The following PDE4D variants were observed in gnomAD, a reference collection of about 807,000 sequenced individuals.
The protein encoded by PDE4D is 3',5'-cyclic-AMP phosphodiesterase 4D.
Under a neutral mutation model 87.4 loss-of-function variants are expected in PDE4D, and 24 were observed. The ratio of observed to expected loss-of-function variants is 0.27; its 90% confidence interval spans 0.20 to 0.39. The LOEUF (loss-of-function observed/expected upper bound fraction) is 0.39, where lower values mean the gene tolerates loss of function less well. Among genes scored for constraint, PDE4D ranks in the 10% least tolerant of loss-of-function variants. PDE4D has a pLI of 1.00. For synonymous variants in PDE4D, 384 were observed against 383.2 expected (o/e 1.00, Z -0.02); for missense variants, 714 against 1,041.0 (o/e 0.69, Z 4.32).
chr5:60,516,511 C>T (rs1163656981), intron 1 of PDE4D, among the ~76,000 whole-genome samples: 1 of 152,166 alleles, frequency 6.6e-6, no homozygotes, highest in Non-Finnish European at 1.5e-5. Context: ...CTCTAGCCAT[C>T]CTTAACTGGA....
At chr5:59,860,405 C>T (rs1746081314) in intron 1 of PDE4D, among the ~76,000 whole-genome samples, 1 of 152,118 alleles carries the variant, frequency 6.6e-6, no homozygotes, top group South Asian at 2.1e-4. Flanking sequence ...CACCTTGTTC[C>T]ACATACATGC....
chr5:60,297,049 C>T (rs1753466357), intron 1 of PDE4D, among the ~76,000 whole-genome samples: 1 of 151,996 alleles, frequency 6.6e-6, no homozygotes, highest in South Asian at 2.1e-4. Context: ...ATGTAACAAG[C>T]CTGCACGTTC....
At chr5:59,988,665 C>T (rs1378546126) in exon 3 of PDE4D, 12 of 1,599,142 alleles carry the variant, frequency 7.5e-6, no homozygotes, top group Admixed American at 1.7e-5. Context: ...GGGTTCCATT[C>T]CGCGGAAAGG....
intron 1 of PDE4D, among the ~76,000 whole-genome samples, chr5:59,537,562 T>C (rs1815506535): frequency 6.6e-6 from 1 of 152,192 alleles, no homozygotes. Flanking sequence ...TTTCTGTCTG[T>C]GGCTTCTCAA....
intron 1 of PDE4D, among the ~76,000 whole-genome samples, chr5:59,417,050 T>C (rs1793732549): frequency 6.6e-6 from 1 of 152,176 alleles, no homozygotes; most frequent in South Asian, 2.1e-4. Flanking sequence ...GAAGTCTTAG[T>C]ACAACAGATA....
chr5:59,494,823 G>A (rs1017634807), intron 1 of PDE4D, among the ~76,000 whole-genome samples: 1 of 152,122 alleles, frequency 6.6e-6, no homozygotes, highest in Non-Finnish European at 1.5e-5. Context: ...AATACTCAGT[G>A]ATTGGTGCGG....
intron 1 of PDE4D, among the ~76,000 whole-genome samples, chr5:59,838,545 C>T (rs1378718725): frequency 6.6e-6 from 1 of 152,044 alleles, no homozygotes; most frequent in Non-Finnish European, 1.5e-5. Flanking sequence ...GTTTTGATTC[C>T]TCTCTCTACT....
At chr5:59,832,852 A>G (rs187159012) in intron 1 of PDE4D, among the ~76,000 whole-genome samples, 3 of 152,188 alleles carry the variant, frequency 2.0e-5, no homozygotes, top group Admixed American at 6.5e-5. Context: ...GAGTGTTTAT[A>G]CTAGAAAAAG....
chr5:59,614,863 T>C (rs295975), intron 1 of PDE4D, among the ~76,000 whole-genome samples: 130,327 of 150,716 alleles, frequency 0.86, 56,398 homozygotes, highest in South Asian at 0.93. Context: ...GTAGGGTCTC[T>C]CTCTATCATC....
intron 3 of PDE4D, among the ~76,000 whole-genome samples, chr5:59,912,123 G>A (rs1316330770): frequency 1.3e-5 from 2 of 152,144 alleles, no homozygotes; most frequent in Non-Finnish European, 2.9e-5. Context: ...CTACATCAAA[G>A]GACTGTGGTA....
At chr5:59,303,690 A>G (rs138774606) in intron 1 of PDE4D, among the ~76,000 whole-genome samples, 2,030 of 152,230 alleles carry the variant, frequency 0.013, 25 homozygotes, top group Middle Eastern at 0.031. Flanking sequence ...GTTGAAGATC[A>G]GTTGGCTGTA....
intron 5 of PDE4D, among the ~76,000 whole-genome samples, chr5:59,137,151 C>G (rs1777194538): frequency 6.6e-6 from 1 of 152,190 alleles, no homozygotes; most frequent in Non-Finnish European, 1.5e-5. Context: ...CCAAAGAGTC[C>G]TCCTCACTTT....
chr5:59,732,460 CAA>C (rs1471531807), intron 1 of PDE4D, among the ~76,000 whole-genome samples: 2 of 149,170 alleles, frequency 1.3e-5, no homozygotes, highest in African/African-American at 2.5e-5. Flanking sequence ...GAAGAGAAAA[CAA>C]AGAGACAGAA....
At chr5:60,188,732 G>C (rs1784983144) in intron 1 of PDE4D, among the ~76,000 whole-genome samples, 1 of 152,144 alleles carries the variant, frequency 6.6e-6, no homozygotes, top group Non-Finnish European at 1.5e-5. Context: ...GGTAGACATT[G>C]TTAATATGTT....
intron 2 of PDE4D, among the ~76,000 whole-genome samples, chr5:60,119,559 T>C (rs1271318962): frequency 6.6e-6 from 1 of 152,246 alleles, no homozygotes; most frequent in Non-Finnish European, 1.5e-5. Flanking sequence ...CTCAGCTCCT[T>C]CATTGACCTT....
At chr5:59,132,066 T>C (rs1323143654) in intron 5 of PDE4D, among the ~76,000 whole-genome samples, 1 of 152,142 alleles carries the variant, frequency 6.6e-6, no homozygotes, top group Non-Finnish European at 1.5e-5. Flanking sequence ...AATATTATTA[T>C]CAAAGTGCAA....
intron 1 of PDE4D, among the ~76,000 whole-genome samples, chr5:60,312,794 T>C (rs1755170501): frequency 6.6e-6 from 1 of 152,050 alleles, no homozygotes; most frequent in African/African-American, 2.4e-5. Context: ...TACAATTACA[T>C]GAAAAATAAG....
At chr5:60,353,396 A>G (rs907377471) in intron 1 of PDE4D, among the ~76,000 whole-genome samples, 1 of 152,134 alleles carries the variant, frequency 6.6e-6, no homozygotes, top group African/African-American at 2.4e-5. Flanking sequence ...TAACACCCAC[A>G]CTGCTAGCAA....
intron 1 of PDE4D, among the ~76,000 whole-genome samples, chr5:59,729,872 C>T (rs1000151547): frequency 1.3e-5 from 2 of 151,998 alleles, no homozygotes; most frequent in Admixed American, 6.6e-5. Context: ...ACTTCTTATG[C>T]CTTCTGAAAC....
Sources: gnomAD v4.1 joint callset for allele counts (sites outside exome capture counted in the v4.1 genomes callset) on GRCh38, gnomAD v4.1.1 for gene constraint, MANE v1.5 for transcripts, NCBI Gene and HGNC (gene_info 2026-07-23, HGNC 2026-07-21) for gene names.